SLC2A9: variants seen among roughly 807,000 people sequenced by gnomAD.
The protein encoded by SLC2A9 is solute carrier family 2, facilitated glucose transporter member 9.
Under a neutral mutation model 50.6 loss-of-function variants are expected in SLC2A9, and 39 were observed. The observed-to-expected ratio is 0.77, with a 90% CI of 0.60 to 1.01. SLC2A9 has a LOEUF of 1.01. SLC2A9 is among the 50% of genes least tolerant of loss of function. The pLI, the probability that SLC2A9 is intolerant of heterozygous loss-of-function variation, is 0.00. For missense variants in SLC2A9, 686 were observed against 677.6 expected (o/e 1.01, Z -0.14); for synonymous variants, 324 against 276.9 (o/e 1.17, Z -1.69).
At position 9,975,512 on chromosome 4, in the gene SLC2A9, C is replaced by T. The variant is rs1055800556; in HGVS notation, c.681+5080G>A. Among the ~76,000 whole-genome samples the T allele has an allele frequency of 2.6e-5, 4 of 152,308 alleles. No homozygotes were observed. The South Asian group carries it at 8.3e-4, about 32-fold the overall frequency. On this transcript the variant is annotated intron_variant, in intron 5 of 11. Transcript: ENST00000264784. Reference sequence around the variant, plus strand: ...AAACATATTAAAAAATGCTCAACATCACTAATCATCAGAGAGACGCCAATC... The same window carrying T: ...AAACATATTAAAAAATGCTCAACATTACTAATCATCAGAGAGACGCCAATC...
At chr4:9,878,887 G>A (rs1472741807) in intron 10 of SLC2A9, 1 of 264,824 alleles carries the variant, frequency 3.8e-6, no homozygotes, top group African/African-American at 2.3e-5. Context: ...TGTTGGTGGA[G>A]ACAAATTGAA....
chr4:9,783,899 G>T, intron 3 of SLC2A9: 1 of 176,868 alleles, frequency 5.7e-6, no homozygotes, highest in Non-Finnish European at 1.3e-5. Flanking sequence ...GGATTCCCGT[G>T]GCTTTGTGCT....
intron 3 of SLC2A9, among the ~76,000 whole-genome samples, chr4:9,991,575 T>G (rs962956719): frequency 3.9e-5 from 6 of 152,000 alleles, no homozygotes; most frequent in Admixed American, 3.3e-4. Context: ...AGAGAGAGAT[T>G]TGGATTTTTT....
intron 8 of SLC2A9, among the ~76,000 whole-genome samples, chr4:9,894,608 T>C (rs1008507485): frequency 5.3e-5 from 8 of 152,230 alleles, no homozygotes; most frequent in African/African-American, 9.6e-5. Flanking sequence ...CCAATACCCA[T>C]ACTGGCAATT....
chr4:10,008,954 T>C (rs1761298073), intron 2 of SLC2A9, among the ~76,000 whole-genome samples: 1 of 149,238 alleles, frequency 6.7e-6, no homozygotes, highest in South Asian at 2.1e-4. Flanking sequence ...GTTACTGAGA[T>C]AAAGTGAGAC....
At chr4:9,777,267 A>G (rs1280210067), downstream of SLC2A9, among the ~76,000 whole-genome samples, 1 of 151,466 alleles carries the variant, frequency 6.6e-6, no homozygotes. Flanking sequence ...TAATTAGAAA[A>G]AAAGAGCTCC....
intron 3 of SLC2A9, among the ~76,000 whole-genome samples, chr4:9,792,051 T>G (rs1379036497): frequency 1.3e-5 from 2 of 152,118 alleles, no homozygotes; most frequent in African/African-American, 4.8e-5. Flanking sequence ...GGTTCAGAGA[T>G]GCTGGGTGAG....
At chr4:9,789,561 T>C (rs1445226171) in intron 3 of SLC2A9, among the ~76,000 whole-genome samples, 1 of 152,194 alleles carries the variant, frequency 6.6e-6, no homozygotes, top group South Asian at 2.1e-4. Context: ...TAGGACAAGA[T>C]GTCAAGCTTG....
chr4:9,949,790 A>C (rs968948039), intron 5 of SLC2A9, among the ~76,000 whole-genome samples: 1 of 152,216 alleles, frequency 6.6e-6, no homozygotes, highest in South Asian at 2.1e-4. Flanking sequence ...GTGATCACTC[A>C]AGCTCAACTC....
At chr4:9,927,853 G>A (rs916620154) in intron 6 of SLC2A9, among the ~76,000 whole-genome samples, 1 of 152,116 alleles carries the variant, frequency 6.6e-6, no homozygotes, top group Non-Finnish European at 1.5e-5. Context: ...GGGTGCCTTC[G>A]ATCTGTCTTT....
chr4:9,845,266 GC>G (rs1163098060), intron 10 of SLC2A9, among the ~76,000 whole-genome samples: 2 of 151,698 alleles, frequency 1.3e-5, no homozygotes, highest in African/African-American at 4.8e-5. Flanking sequence ...GCCTGCCTCG[GC>G]CCCCCAAAGT....
chr4:9,847,473 G>A (rs1729169383), intron 10 of SLC2A9, among the ~76,000 whole-genome samples: 1 of 152,198 alleles, frequency 6.6e-6, no homozygotes, highest in Non-Finnish European at 1.5e-5. Context: ...AGATTTGGGT[G>A]GGCACACAGA....
chr4:9,977,559 CT>C (rs1179730995), intron 5 of SLC2A9, among the ~76,000 whole-genome samples: 9 of 147,926 alleles, frequency 6.1e-5, no homozygotes, highest in African/African-American at 1.5e-4. Flanking sequence ...CCCCCTCCCC[CT>C]CCCCCTGCTC....
At chr4:9,965,933 C>T (rs1170478312) in intron 5 of SLC2A9, among the ~76,000 whole-genome samples, 1 of 152,070 alleles carries the variant, frequency 6.6e-6, no homozygotes, top group African/African-American at 2.4e-5. Flanking sequence ...CAAAAGACTA[C>T]AGGGTGAGAT....
At chr4:9,928,991 T>C (rs1745404576) in intron 6 of SLC2A9, among the ~76,000 whole-genome samples, 1 of 152,236 alleles carries the variant, frequency 6.6e-6, no homozygotes, top group Non-Finnish European at 1.5e-5. Flanking sequence ...TCATTCCTGA[T>C]GGACGGGATT....
intron 3 of SLC2A9, among the ~76,000 whole-genome samples, chr4:9,801,438 T>C (rs1219025263): frequency 6.6e-6 from 1 of 152,264 alleles, no homozygotes; most frequent in Admixed American, 6.5e-5. Context: ...TGAGGGTGTG[T>C]TTTTGAGCTG....
At chr4:9,986,100 G>A (rs1037415793) in intron 3 of SLC2A9, among the ~76,000 whole-genome samples, 1 of 152,226 alleles carries the variant, frequency 6.6e-6, no homozygotes, top group African/African-American at 2.4e-5. Flanking sequence ...TACAATTCGT[G>A]AGTCAGGGTC....
intron 10 of SLC2A9, chr4:9,879,949 T>C: frequency 1.0e-6 from 1 of 985,446 alleles, no homozygotes; most frequent in Non-Finnish European, 1.2e-6. Flanking sequence ...CAACTCCTTG[T>C]CAAGTCTTCT....
intron 5 of SLC2A9, among the ~76,000 whole-genome samples, chr4:9,964,795 A>G (rs113748105): frequency 5.8e-4 from 89 of 152,266 alleles, no homozygotes; most frequent in African/African-American, 2.0e-3. Context: ...TCAAATTCCT[A>G]TACCAGACTC....
Sources: allele counts gnomAD v4.1 joint callset (sites outside exome capture counted in the v4.1 genomes callset), GRCh38; gene constraint gnomAD v4.1.1; transcripts MANE v1.5; gene names NCBI Gene and HGNC (gene_info 2026-07-23, HGNC 2026-07-21).